PTK2: variants seen among roughly 807,000 people sequenced by gnomAD.
PTK2 encodes the protein focal adhesion kinase 1.
Under a neutral mutation model 150.1 loss-of-function variants are expected in PTK2, and 45 were observed. The ratio of observed to expected loss-of-function variants is 0.30; its 90% confidence interval spans 0.24 to 0.38. PTK2 has a LOEUF of 0.38. Among genes scored for constraint, PTK2 ranks in the 10% least tolerant of loss-of-function variants. The pLI, the probability that PTK2 is intolerant of heterozygous loss-of-function variation, is 1.00. For synonymous variants in PTK2, 432 were observed against 449.2 expected, an observed-to-expected ratio of 0.96 and a Z score of 0.48; for missense variants, 919 against 1,307.3, an observed-to-expected ratio of 0.70 and a Z score of 4.58.
chr8:140,951,128 T>A (rs1287306506), intron 1 of PTK2, among the ~76,000 whole-genome samples: 1 of 152,156 alleles, frequency 6.6e-6, no homozygotes, highest in Non-Finnish European at 1.5e-5. Flanking sequence ...GTCCATCACC[T>A]TCCCATGCCA....
At chr8:140,703,097 G>C (rs767407614) in intron 24 of PTK2, among the ~76,000 whole-genome samples, 1 of 152,122 alleles carries the variant, frequency 6.6e-6, no homozygotes, top group Non-Finnish European at 1.5e-5. Context: ...TGTAATCCTA[G>C]CACTTTGGGA....
chr8:140,975,288 C>T (rs1588231956), intron 1 of PTK2, among the ~76,000 whole-genome samples: 2 of 152,308 alleles, frequency 1.3e-5, no homozygotes, highest in East Asian at 3.9e-4. Flanking sequence ...CTCCTACCAT[C>T]TAAATCTGTT....
intron 12 of PTK2, among the ~76,000 whole-genome samples, chr8:140,795,918 T>C (rs1345331234): frequency 6.6e-6 from 1 of 152,240 alleles, no homozygotes; most frequent in Non-Finnish European, 1.5e-5. Context: ...CAAAGCTCAA[T>C]TCAAGTTCTA....
intron 1 of PTK2, among the ~76,000 whole-genome samples, chr8:141,000,468 G>A (rs866630077): frequency 2.0e-5 from 3 of 152,172 alleles, no homozygotes; most frequent in African/African-American, 7.2e-5. Context: ...TCTCGCGTCC[G>A]GGCGAACCCT....
At chr8:140,708,288 C>G (rs1462303022) in intron 23 of PTK2, among the ~76,000 whole-genome samples, 1 of 152,162 alleles carries the variant, frequency 6.6e-6, no homozygotes, top group African/African-American at 2.4e-5. Context: ...TCTCTAAAAT[C>G]TGTCTCATTT....
intron 1 of PTK2, among the ~76,000 whole-genome samples, chr8:140,956,676 C>T (rs2100181321): frequency 6.6e-6 from 1 of 152,158 alleles, no homozygotes; most frequent in Non-Finnish European, 1.5e-5. Context: ...GGACAAGATA[C>T]AAAGGTGGAA....
intron 11 of PTK2, among the ~76,000 whole-genome samples, chr8:140,802,286 G>C (rs1034110728): frequency 6.6e-6 from 1 of 151,950 alleles, no homozygotes; most frequent in Admixed American, 6.6e-5. Context: ...GTGTATGTTT[G>C]TGTCTTACTT....
intron 16 of PTK2, among the ~76,000 whole-genome samples, chr8:140,760,245 C>CATATAT (rs150116644): frequency 6.6e-6 from 1 of 150,842 alleles, no homozygotes; most frequent in African/African-American, 2.4e-5. Context: ...CAAAACAAAA[C>CATATAT]ATATATATAT....
chr8:140,977,340 C>T (rs1280008102), intron 1 of PTK2, among the ~76,000 whole-genome samples: 1 of 152,052 alleles, frequency 6.6e-6, no homozygotes, highest in African/African-American at 2.4e-5. Context: ...CTGCAGTGTG[C>T]AGCATGGGCG....
intron 1 of PTK2, among the ~76,000 whole-genome samples, chr8:140,975,566 C>A (rs1407971206): frequency 6.6e-6 from 1 of 151,840 alleles, no homozygotes; most frequent in Non-Finnish European, 1.5e-5. Context: ...GGTTCCTGGA[C>A]TAAGAATGAT....
chr8:140,803,413 T>C lies in PTK2; in HGVS notation c.975+130A>G, dbSNP rs567151494. The C allele has an allele frequency of 1.2e-3, 847 of 729,266 alleles. 4 individuals carry two copies. Among genetic ancestry groups the C allele is most frequent in the Non-Finnish European group, 1.2e-3 (499 of 416,942 alleles). 45.2% of individuals were successfully genotyped at this position (729,266 alleles called of 1,614,324 possible). A position where few individuals can be genotyped will look rare whatever the true frequency, so the allele number is the denominator to read the frequency against. On this transcript the variant is annotated intron_variant, in intron 11 of 31. Transcript: ENST00000522684. Reference sequence around the variant, plus strand: ...ATCATTATTGTTTCTAATGTAACCCTTTCTATATATAAGAAAGTTGTGATT... The same window carrying C: ...ATCATTATTGTTTCTAATGTAACCCCTTCTATATATAAGAAAGTTGTGATT...
At chr8:140,940,990 A>T (rs1281609119) in intron 1 of PTK2, among the ~76,000 whole-genome samples, 1 of 151,420 alleles carries the variant, frequency 6.6e-6, no homozygotes, top group Non-Finnish European at 1.5e-5. Context: ...TTTTTTAATT[A>T]AAAAAAAATA....
chr8:140,993,939 A>G (rs949745767), intron 1 of PTK2, among the ~76,000 whole-genome samples: 1 of 152,184 alleles, frequency 6.6e-6, no homozygotes, highest in Non-Finnish European at 1.5e-5. Context: ...CATGTTGCCC[A>G]GGCTGGTCAC....
At chr8:140,726,535 A>C (rs543023346) in intron 22 of PTK2, among the ~76,000 whole-genome samples, 7 of 152,334 alleles carry the variant, frequency 4.6e-5, no homozygotes, top group South Asian at 2.1e-4. Context: ...CTGCATACAA[A>C]GTAACAATTG....
intron 5 of PTK2, among the ~76,000 whole-genome samples, chr8:140,859,147 A>G (rs946345709): frequency 6.6e-6 from 1 of 152,188 alleles, no homozygotes; most frequent in Non-Finnish European, 1.5e-5. Flanking sequence ...GGGAGAACTT[A>G]AGGTCAGCTT....
intron 26 of PTK2, chr8:140,686,941 G>GA (rs2100020278): frequency 1.9e-5 from 9 of 480,398 alleles, no homozygotes; most frequent in Admixed American, 1.5e-4. Flanking sequence ...CAGTGCTGGA[G>GA]AACCTGCACT....
At chr8:140,911,894 T>C (rs906682485) in intron 2 of PTK2, among the ~76,000 whole-genome samples, 9 of 152,100 alleles carry the variant, frequency 5.9e-5, no homozygotes, top group African/African-American at 1.2e-4. Flanking sequence ...CTCATAAACA[T>C]AGATACAAAT....
chr8:140,734,667 T>G, intron 22 of PTK2: 1 of 495,230 alleles, frequency 2.0e-6, no homozygotes, highest in Non-Finnish European at 4.0e-6. Flanking sequence ...GAACAAGCAA[T>G]GGATGTTTTA....
In PTK2 at chr8:140,851,858, CAAA is replaced by C. The variant is rs34116543; in HGVS notation, c.451-5183_451-5181del. 6.2e-3 allele frequency among the ~76,000 whole-genome samples: 857 copies of C among 137,786 alleles called. 11 individuals are homozygous for C. Among genetic ancestry groups the C allele is most frequent in the African/African-American group, 0.017 (641 of 37,124 alleles). 90.4% of individuals were successfully genotyped at this position (137,786 alleles called of 152,430 possible). ...TGGGTGACAGAGAGAGACTTTATCT[CAAA>C]AAAAAAAAAAAAAAGGTAGTAAATG... On this transcript the variant is annotated intron_variant, in intron 5 of 31. Transcript: ENST00000522684.
Sources: gnomAD v4.1 joint callset for allele counts (sites outside exome capture counted in the v4.1 genomes callset) on GRCh38, gnomAD v4.1.1 for gene constraint, MANE v1.5 for transcripts, NCBI Gene and HGNC (gene_info 2026-07-23, HGNC 2026-07-21) for gene names.